Variants in ARAP1 observed in about 807,000 individuals in gnomAD.
ARAP1 encodes the protein ArfGAP with RhoGAP domain, ankyrin repeat and PH domain 1.
Under a neutral mutation model 172.2 loss-of-function variants are expected in ARAP1, and 76 were observed. That is an observed-to-expected ratio of 0.44 (90% CI 0.37 to 0.53). The LOEUF is 0.53. Ranked by LOEUF, ARAP1 falls within the 20% of genes least tolerant of loss-of-function variation. ARAP1 has a pLI of 0.00. For synonymous variants in ARAP1, 804 were observed against 803.3 expected (o/e 1.00, Z -0.01); for missense variants, 1,686 against 1,977.5 (o/e 0.85, Z 2.80).
chr11:72,686,888 G>A (rs1022843630), intron 33 of ARAP1, among the ~76,000 whole-genome samples: 9 of 152,102 alleles, frequency 5.9e-5, no homozygotes, highest in South Asian at 2.1e-4. Flanking sequence ...CCTCTGTGTC[G>A]AGGTCAGTTT....
In ARAP1 at chr11:72,748,315, T is replaced by A. The variant is rs547742890; in HGVS notation, c.-128+4013A>T. On this transcript the variant is annotated intron_variant, in intron 1 of 34. Transcript: ENST00000393609. ...GGCGGGCGGATCACGAGGTCAGGAG[T>A]TCAAGATCATCCTGGCCAACATGGT... is the stretch of plus-strand genomic sequence containing the variant. 2.3e-4 allele frequency among the ~76,000 whole-genome samples: 35 copies of A among 149,706 alleles called. No homozygotes were observed. The East Asian group carries it at 6.7e-3, about 29-fold the overall frequency.
intron 18 of ARAP1, among the ~76,000 whole-genome samples, chr11:72,698,587 G>T (rs1016294002): frequency 5.3e-5 from 8 of 152,098 alleles, no homozygotes; most frequent in Admixed American, 5.2e-4. Context: ...ACAGCACAGG[G>T]GACCCCACAG....
chr11:72,689,973 C>A (rs1254152940), intron 30 of ARAP1, among the ~76,000 whole-genome samples: 2 of 152,078 alleles, frequency 1.3e-5, no homozygotes, highest in Non-Finnish European at 2.9e-5. Flanking sequence ...AACTGGAAGA[C>A]AGCTGATGGC....
At position 72,688,424 on chromosome 11, in the gene ARAP1, T is replaced by C. The variant is rs185045010; in HGVS notation, c.4070+31A>G. The C allele has an allele frequency of 2.7e-4, 435 of 1,595,492 alleles. 1 individual carries two copies. The African/African-American group carries it at 5.2e-3, about 19-fold the overall frequency. On this transcript the variant is annotated intron_variant, in intron 31 of 34. Coordinates refer to ENST00000393609, the MANE Select transcript of ARAP1 (RefSeq NM_001040118.3). ...AGTTCTGAGCCCCCATAAGCCCCAG[T>C]AGCAGGCCTATCTGCCCAGTCCCAG...
chr11:72,715,512 A>C (rs1210569923), intron 3 of ARAP1, among the ~76,000 whole-genome samples: 6 of 151,020 alleles, frequency 4.0e-5, no homozygotes, highest in Admixed American at 1.3e-4. Context: ...TGTTGCCTCC[A>C]CCAGTAACAC....
At chr11:72,750,956 A>G (rs1858514182) in intron 1 of ARAP1, among the ~76,000 whole-genome samples, 1 of 152,188 alleles carries the variant, frequency 6.6e-6, no homozygotes, top group African/African-American at 2.4e-5. Flanking sequence ...TGGGAGGAGG[A>G]TTAACAATCT....
chr11:72,750,521 T>C (rs1858501785), intron 1 of ARAP1, among the ~76,000 whole-genome samples: 1 of 140,042 alleles, frequency 7.1e-6, no homozygotes, highest in African/African-American at 2.7e-5. Flanking sequence ...CCCCTTCCCC[T>C]GGGTTCTCTC....
Position 72,698,102 on chromosome 11 carries a change from A to C in ARAP1, c.2546T>G (p.Phe849Cys). 1 of 1,593,726 alleles carries C rather than the reference A, an allele frequency of 6.3e-7. No individual in the cohort carries two copies. ...HEWVKCIAKA[F>C]VPPLAEDLLA... ...CAGATCCTCGGCTAGGGGAGGCACG[A>C]ATGCCTGGCAGAGAGGCGCCGGGGG... The change falls in exon 19 of 35, where the codon TTC becomes TGC. Residue 849 changes from phenylalanine to cysteine, a missense_variant. Around this residue, in one of 5 missense-constraint regions of ARAP1, gnomAD observed 688 missense variants for 856.9 expected, o/e 0.80. Coordinates refer to ENST00000393609, the MANE Select transcript of ARAP1 (RefSeq NM_001040118.3).
chr11:72,745,449 C>T (rs1302543631), intron 1 of ARAP1, among the ~76,000 whole-genome samples: 1 of 151,006 alleles, frequency 6.6e-6, no homozygotes, highest in African/African-American at 2.4e-5. Flanking sequence ...TGTGATCCGC[C>T]CGCGTCGGCC....
Position 72,695,670 on chromosome 11 carries a change from C to G in ARAP1, c.3421-42G>C. ...GGCAGGGACAGGTGGTCACCGTCATCTGCAAGGATCACCCCTGCCCTCCAC... is the reference window on the plus strand; with the variant it reads ...GGCAGGGACAGGTGGTCACCGTCATGTGCAAGGATCACCCCTGCCCTCCAC... On this transcript the variant is annotated intron_variant, in intron 24 of 34. Transcript: ENST00000393609. The surrounding 1 kb of genome is among the most constrained non-coding windows in gnomAD (Gnocchi z 4.4). 1 of 1,614,120 alleles carries G rather than the reference C, an allele frequency of 6.2e-7. No homozygotes were observed. Among genetic ancestry groups the G allele is most frequent in the Non-Finnish European group, 8.5e-7 (1 of 1,179,986 alleles).
At position 72,697,360 on chromosome 11, in the gene ARAP1, C is replaced by T; in HGVS notation, c.2916G>A (p.Val972=). Residue 972 remains valine (V), a synonymous_variant, in exon 21 of 35, where the codon GTG becomes GTA. Coordinates refer to ENST00000393609, the MANE Select transcript of ARAP1 (RefSeq NM_001040118.3). ...TGTAGTCCACACAGCGGTACACGAT[C>T]ACCGGGATATCCGAGTCCCCAAGCT... ...EQQLGDSDIP[V]IVYRCVDYIT... 2 of 1,603,678 alleles carry T rather than the reference C, an allele frequency of 1.2e-6. No homozygotes were observed. Among genetic ancestry groups the T allele is most frequent in the Non-Finnish European group, 1.7e-6 (2 of 1,175,394 alleles).
rs549862951 is a variant in ARAP1 at position 72,687,720 on chromosome 11, C to A, written c.4089G>T (p.Val1363=). 2 of 1,614,084 alleles carry A rather than the reference C, an allele frequency of 1.2e-6. No homozygotes were observed. The highest frequency in any genetic ancestry group is 1.7e-6 in the Non-Finnish European group (2 of 1,180,052). Residue 1363 remains valine, a synonymous_variant, in exon 32 of 35, where the codon GTG becomes GTT. Coordinates refer to ENST00000393609, the MANE Select transcript of ARAP1 (RefSeq NM_001040118.3). ...RPPTCWGFTV[V]HETEKHEKQQ... is the part of the protein sequence containing the mutation. The stretch of plus-strand genomic sequence containing the variant: ...GCTTCTCATGTTTCTCTGTCTCATG[C>A]ACCACTGTGAAGCCCCAGCTACAGA...
At chr11:72,690,806 G>A (rs1200697404) in intron 30 of ARAP1, among the ~76,000 whole-genome samples, 1 of 152,242 alleles carries the variant, frequency 6.6e-6, no homozygotes, top group Admixed American at 6.5e-5. Context: ...TCTAGCATGT[G>A]CCTTTTCCAG....
chr11:72,695,828 G>A lies in ARAP1; in HGVS notation c.3310C>T (p.His1104Tyr). ...GGCCCAAACACAATTGCCAGGTTGTGCACGTTCATCTGGTTCGTGTCTGAG... is the reference window on the plus strand; with the variant it reads ...GGCCCAAACACAATTGCCAGGTTGTACACGTTCATCTGGTTCGTGTCTGAG... ...CFSDTNQMNVHNLAIVFGPTL... is the reference protein window; with the variant it reads ...CFSDTNQMNVYNLAIVFGPTL... The change falls in exon 24 of 35, where the codon CAC (histidine) becomes TAC (tyrosine). Residue 1104 changes from histidine (H) to tyrosine (Y), a missense_variant. Coordinates refer to ENST00000393609, the MANE Select transcript of ARAP1 (RefSeq NM_001040118.3). The surrounding 1 kb of genome is among the most constrained non-coding windows in gnomAD (Gnocchi z 4.4). 3 of 1,614,090 alleles carry A rather than the reference G, an allele frequency of 1.9e-6. No homozygotes were observed. The highest frequency in any genetic ancestry group is 2.5e-6 in the Non-Finnish European group (3 of 1,179,968).
At position 72,685,300 on chromosome 11, in the gene ARAP1, G is replaced by A. The variant is rs546543568; in HGVS notation, c.*364C>T. 211 of 314,950 alleles carry A rather than the reference G, an allele frequency of 6.7e-4. 1 individual carries two copies. The highest frequency in any genetic ancestry group is 4.4e-3 in the African/African-American group (202 of 45,978). The allele number at this position is 314,950 out of a possible 1,614,324, so 19.5% of individuals were successfully genotyped here. On this transcript the variant is annotated 3_prime_UTR_variant, in exon 35 of 35. Transcript: ENST00000393609. ...CTGGAGTTTGTTGGGAGGAGCAGGG[G>A]GCTCCCTTCCGGCAGGGCCCCAGGG...
chr11:72,699,151 C>A lies in ARAP1; in HGVS notation c.2439-44G>T, dbSNP rs377316680. On this transcript the variant is annotated intron_variant, in intron 17 of 34. Transcript: ENST00000393609. The surrounding 1 kb of genome is among the most constrained non-coding windows in gnomAD (Gnocchi z 4.2). ...GGACTCAGGCCCACCTCATCCAGCA[C>A]GGGCCCACCCCCAACCCGCACCATC... is the stretch of plus-strand genomic sequence containing the variant. 11 of 1,596,690 alleles carry A rather than the reference C, an allele frequency of 6.9e-6. No homozygotes were observed. The highest frequency in any genetic ancestry group is 9.4e-6 in the Non-Finnish European group (11 of 1,165,546).
intron 1 of ARAP1, among the ~76,000 whole-genome samples, chr11:72,748,636 T>C (rs1858444545): frequency 6.6e-6 from 1 of 152,222 alleles, no homozygotes; most frequent in African/African-American, 2.4e-5. Context: ...GGACAGGCTC[T>C]TCCCCTCTGT....
At chr11:72,738,997 C>A (rs1244785097) in intron 1 of ARAP1, among the ~76,000 whole-genome samples, 1 of 152,186 alleles carries the variant, frequency 6.6e-6, no homozygotes, top group Non-Finnish European at 1.5e-5. Flanking sequence ...TGGGCCTTCT[C>A]CAGGCTCCGC....
At chr11:72,705,995 G>A in intron 12 of ARAP1, 105 bp from the exon 13 acceptor site, 1 of 1,148,482 alleles carries the variant, frequency 8.7e-7, no homozygotes, top group Non-Finnish European at 1.3e-6. Context: ...GAGGCCACAG[G>A]CAGGCCCCAG....
Sources: allele counts gnomAD v4.1 joint callset (sites outside exome capture counted in the v4.1 genomes callset), GRCh38; gene constraint gnomAD v4.1.1; regional missense constraint gnomAD v4.1.1; non-coding constraint Gnocchi (gnomAD v3.1); transcripts MANE v1.5; gene names NCBI Gene and HGNC (gene_info 2026-07-23, HGNC 2026-07-21).